The following MACROD2 variants were observed in gnomAD, a reference collection of about 807,000 sequenced individuals.
MACROD2 encodes mono-ADP ribosylhydrolase 2.
Under a neutral mutation model 70.4 loss-of-function variants are expected in MACROD2, and 36 were observed. The observed-to-expected ratio is 0.51, with a 90% CI of 0.39 to 0.68. The LOEUF (loss-of-function observed/expected upper bound fraction) is 0.68, where lower values mean the gene tolerates loss of function less well. MACROD2 is among the 30% of genes least tolerant of loss of function. MACROD2 has a pLI of 0.00. For synonymous variants in MACROD2, 172 were observed against 178.8 expected (o/e 0.96, Z 0.30); for missense variants, 496 against 538.4 (o/e 0.92, Z 0.78).
chr20:15,540,143 T>A (rs561546373), intron 8 of MACROD2, among the ~76,000 whole-genome samples: 20 of 152,342 alleles, frequency 1.3e-4, no homozygotes, highest in African/African-American at 4.8e-4. Context: ...GTTGCTCAGA[T>A]AATGACAAAC....
chr20:15,850,977 G>A (rs1246826933), intron 8 of MACROD2, among the ~76,000 whole-genome samples: 1 of 152,158 alleles, frequency 6.6e-6, no homozygotes, highest in East Asian at 1.9e-4. Flanking sequence ...AGCAGTCACT[G>A]TTGGACAGAG....
chr20:15,129,389 C>T (rs868436008), intron 5 of MACROD2, among the ~76,000 whole-genome samples: 14 of 152,064 alleles, frequency 9.2e-5, no homozygotes, highest in Middle Eastern at 6.8e-3. Context: ...CTGGAACTAA[C>T]GGAAAGGAAT....
intron 3 of MACROD2, among the ~76,000 whole-genome samples, chr20:14,274,397 C>T (rs2122370921): frequency 6.6e-6 from 1 of 152,252 alleles, no homozygotes; most frequent in East Asian, 1.9e-4. Context: ...ACAAAAACCA[C>T]ATGATTATCT....
At chr20:15,904,457 A>T (rs1050859634) in intron 10 of MACROD2, among the ~76,000 whole-genome samples, 5 of 152,220 alleles carry the variant, frequency 3.3e-5, no homozygotes, top group African/African-American at 1.2e-4. Flanking sequence ...TTTAGATAGT[A>T]TGATTTCACT....
At chr20:14,699,081 C>T (rs2071161886) in intron 5 of MACROD2, among the ~76,000 whole-genome samples, 1 of 151,912 alleles carries the variant, frequency 6.6e-6, no homozygotes, top group Admixed American at 6.6e-5. Flanking sequence ...TGAAATAAAG[C>T]AAGAAGGAAG....
At chr20:14,965,346 A>G (rs1440381133) in intron 5 of MACROD2, among the ~76,000 whole-genome samples, 1 of 151,776 alleles carries the variant, frequency 6.6e-6, no homozygotes, top group African/African-American at 2.4e-5. Context: ...ACAATTCCAA[A>G]TGCCATTTTT....
chr20:15,464,842 G>A (rs540461576), intron 7 of MACROD2, among the ~76,000 whole-genome samples: 5 of 152,192 alleles, frequency 3.3e-5, no homozygotes, highest in African/African-American at 1.2e-4. Context: ...GGCTTTTTGA[G>A]GTGAGGATAC....
At chr20:15,102,619 CAA>C (rs949618025) in intron 5 of MACROD2, among the ~76,000 whole-genome samples, 42 of 151,714 alleles carry the variant, frequency 2.8e-4, no homozygotes, top group African/African-American at 9.2e-4. Flanking sequence ...CAATATTTTC[CAA>C]AAATGTATGT....
chr20:15,306,448 A>G (rs1033088363), intron 6 of MACROD2, among the ~76,000 whole-genome samples: 1 of 152,230 alleles, frequency 6.6e-6, no homozygotes, highest in Admixed American at 6.5e-5. Context: ...GGCAAATACT[A>G]TACTATTATG....
At chr20:14,043,504 A>C (rs1323344317) in intron 2 of MACROD2, among the ~76,000 whole-genome samples, 1 of 152,162 alleles carries the variant, frequency 6.6e-6, no homozygotes, top group Admixed American at 6.5e-5. Context: ...TCCTATTGCT[A>C]CTTTTATGGA....
At chr20:14,747,441 A>G (rs1297273372) in intron 5 of MACROD2, among the ~76,000 whole-genome samples, 3 of 152,254 alleles carry the variant, frequency 2.0e-5, no homozygotes, top group Middle Eastern at 3.4e-3. Flanking sequence ...AAGATTGACA[A>G]CTAGGTGACT....
chr20:15,195,248 C>T (rs1055535817), intron 5 of MACROD2, among the ~76,000 whole-genome samples: 1 of 152,104 alleles, frequency 6.6e-6, no homozygotes. Context: ...TCTAAGTAAA[C>T]TAAAGAGCTT....
intron 8 of MACROD2, among the ~76,000 whole-genome samples, chr20:15,655,975 G>A (rs77558566): frequency 7.9e-5 from 12 of 152,084 alleles, no homozygotes; most frequent in African/African-American, 2.9e-4. Flanking sequence ...TGTTATCCTC[G>A]TAATGGTAAC....
At chr20:14,311,836 G>A (rs1489766743) in intron 3 of MACROD2, among the ~76,000 whole-genome samples, 3 of 151,942 alleles carry the variant, frequency 2.0e-5, no homozygotes, top group African/African-American at 7.3e-5. Context: ...TATCTTTGTT[G>A]AGGACGTTCT....
chr20:14,201,651 C>G (rs531648196), intron 3 of MACROD2, among the ~76,000 whole-genome samples: 45 of 151,806 alleles, frequency 3.0e-4, no homozygotes, highest in Middle Eastern at 3.4e-3. Context: ...ACCAGCCTGG[C>G]CAAGATGGTG....
Position 14,534,186 on chromosome 20 carries a change from C to T in MACROD2, c.301+40678C>T, listed in dbSNP as rs150968744. ...GCCTAAAACACAGGAAGGGCCACACCGTCAGATTCGAGCGTTGCTTTATCT... is the reference window on the plus strand; with the variant it reads ...GCCTAAAACACAGGAAGGGCCACACTGTCAGATTCGAGCGTTGCTTTATCT... On this transcript the variant is annotated intron_variant, in intron 4 of 17. Transcript: ENST00000684519. 9.9e-5 allele frequency among the ~76,000 whole-genome samples: 15 copies of T among 152,248 alleles called. No homozygotes were observed. In the East Asian group the frequency reaches 1.5e-3, roughly 16 times the overall value.
intron 5 of MACROD2, among the ~76,000 whole-genome samples, chr20:14,919,453 C>A (rs1842744718): frequency 6.6e-6 from 1 of 152,188 alleles, no homozygotes; most frequent in Admixed American, 6.5e-5. Context: ...CCTTTCATAA[C>A]CACATTTAAC....
intron 5 of MACROD2, among the ~76,000 whole-genome samples, chr20:15,174,143 AGATT>A (rs2076442515): frequency 1.3e-5 from 2 of 152,334 alleles, no homozygotes; most frequent in South Asian, 4.1e-4. Flanking sequence ...TAGACTATGT[AGATT>A]ATTATATAAA....
At position 14,862,679 on chromosome 20, in the gene MACROD2, ATATATATAT is replaced by A. The variant is rs1367350905; in HGVS notation, c.418+177721_418+177729del. On this transcript the variant is annotated intron_variant, in intron 5 of 17. Coordinates refer to ENST00000684519, the MANE Select transcript of MACROD2 (RefSeq NM_001351661.2). Reference sequence around the variant, plus strand: ...TAAATATATATATAAATATATATAAATATATATATAAATATATATAAATATATATATATA... The same window carrying A: ...TAAATATATATATAAATATATATAAAAAATATATATAAATATATATATATA... Among the ~76,000 whole-genome samples the A allele has an allele frequency of 1.3e-4, 9 of 68,228 alleles. 1 individual carries two copies. Among genetic ancestry groups the A allele is most frequent in the African/African-American group, 5.2e-4 (9 of 17,446 alleles). 44.8% of individuals were successfully genotyped at this position (68,228 alleles called of 152,430 possible).
Sources: gnomAD v4.1 joint callset for allele counts (sites outside exome capture counted in the v4.1 genomes callset) on GRCh38, gnomAD v4.1.1 for gene constraint, MANE v1.5 for transcripts, NCBI Gene and HGNC (gene_info 2026-07-23, HGNC 2026-07-21) for gene names.